Variants in CNTNAP2 observed in about 807,000 individuals in gnomAD.
CNTNAP2 encodes contactin-associated protein-like 2.
In CNTNAP2, 98 loss-of-function variants were observed where a neutral mutation model predicts 155.2. That is an observed-to-expected ratio of 0.63 (90% CI 0.54 to 0.75). The LOEUF (loss-of-function observed/expected upper bound fraction) is 0.75. Ranked by LOEUF, CNTNAP2 falls within the 30% of genes least tolerant of loss-of-function variation. The pLI is 0.00. For missense variants in CNTNAP2, 1,727 were observed against 1,688.1 expected (o/e 1.02, Z -0.40); for synonymous variants, 651 against 631.2 (o/e 1.03, Z -0.47).
At chr7:146,269,575 A>G (rs1028030140) in intron 1 of CNTNAP2, among the ~76,000 whole-genome samples, 1 of 152,230 alleles carries the variant, frequency 6.6e-6, no homozygotes, top group African/African-American at 2.4e-5. Flanking sequence ...TTTATGTTGC[A>G]TAACTTATAG....
chr7:148,290,931 T>C (rs1797178097), intron 21 of CNTNAP2, among the ~76,000 whole-genome samples: 1 of 152,226 alleles, frequency 6.6e-6, no homozygotes, highest in South Asian at 2.1e-4. Context: ...ATTATTTTTG[T>C]GGCTGCATGA....
At chr7:146,259,521 A>T (rs1230104211) in intron 1 of CNTNAP2, among the ~76,000 whole-genome samples, 1 of 152,172 alleles carries the variant, frequency 6.6e-6, no homozygotes, top group African/African-American at 2.4e-5. Flanking sequence ...TGAGAACTGG[A>T]GTAAAGGTCA....
chr7:147,236,244 T>C (rs1803800493), intron 8 of CNTNAP2, among the ~76,000 whole-genome samples: 1 of 152,208 alleles, frequency 6.6e-6, no homozygotes. Flanking sequence ...TGAGAAAGCC[T>C]CTTCACCTGC....
chr7:147,029,224 A>G (rs1798981638), intron 3 of CNTNAP2, among the ~76,000 whole-genome samples: 1 of 152,032 alleles, frequency 6.6e-6, no homozygotes, highest in Admixed American at 6.6e-5. Flanking sequence ...CGGCCTCCCA[A>G]AGTGCTGGAA....
intron 13 of CNTNAP2, among the ~76,000 whole-genome samples, chr7:147,729,964 C>T (rs1796711460): frequency 6.6e-6 from 1 of 151,884 alleles, no homozygotes; most frequent in Admixed American, 6.6e-5. Context: ...TTTAAGTAGT[C>T]AATGAATTAA....
chr7:148,228,846 A>AAAAC (rs1418580033), intron 19 of CNTNAP2, among the ~76,000 whole-genome samples: 1 of 151,032 alleles, frequency 6.6e-6, no homozygotes, highest in African/African-American at 2.4e-5. Flanking sequence ...AAAAAAAACT[A>AAAAC]TGTTTATTTT....
chr7:146,540,729 T>C (rs1797939660), intron 1 of CNTNAP2, among the ~76,000 whole-genome samples: 2 of 152,096 alleles, frequency 1.3e-5, no homozygotes, highest in African/African-American at 4.8e-5. Context: ...CGGCATGCAG[T>C]ACTGCTCTTT....
intron 1 of CNTNAP2, among the ~76,000 whole-genome samples, chr7:146,551,708 T>C (rs1348891852): frequency 6.6e-6 from 1 of 152,158 alleles, no homozygotes; most frequent in African/African-American, 2.4e-5. Flanking sequence ...TTCTGGTCTA[T>C]GTATGATTTA....
At chr7:146,631,909 G>A (rs1386965480) in intron 1 of CNTNAP2, among the ~76,000 whole-genome samples, 1 of 151,748 alleles carries the variant, frequency 6.6e-6, no homozygotes, top group South Asian at 2.1e-4. Flanking sequence ...ACTTTCTTCA[G>A]TGCCTGCTCA....
intron 1 of CNTNAP2, among the ~76,000 whole-genome samples, chr7:146,475,001 G>A (rs1013759089): frequency 1.0e-4 from 13 of 126,982 alleles, no homozygotes; most frequent in African/African-American, 3.7e-4. Flanking sequence ...GAGCGCGCAC[G>A]CGCGCGCGCG....
chr7:147,560,258 A>G (rs1239393856), intron 11 of CNTNAP2, among the ~76,000 whole-genome samples: 1 of 151,570 alleles, frequency 6.6e-6, no homozygotes, highest in Non-Finnish European at 1.5e-5. Context: ...TAATCTTTCA[A>G]CTGGCAGCCT....
chr7:148,304,032 C>T (rs1797443166), intron 21 of CNTNAP2, among the ~76,000 whole-genome samples: 2 of 152,202 alleles, frequency 1.3e-5, no homozygotes, highest in African/African-American at 4.8e-5. Flanking sequence ...TACAAATCTG[C>T]AACCTCCCTC....
At chr7:147,071,078 G>T (rs115161008) in intron 4 of CNTNAP2, among the ~76,000 whole-genome samples, 2 of 151,872 alleles carry the variant, frequency 1.3e-5, no homozygotes, top group Admixed American at 1.3e-4. Flanking sequence ...ACTTCTTCCA[G>T]CTGTTTCACC....
chr7:147,574,056 T>A (rs1800344137), intron 12 of CNTNAP2, among the ~76,000 whole-genome samples: 1 of 152,170 alleles, frequency 6.6e-6, no homozygotes, highest in African/African-American at 2.4e-5. Context: ...ACATTTCTTT[T>A]TATTTATCTG....
intron 9 of CNTNAP2, among the ~76,000 whole-genome samples, chr7:147,355,952 T>A (rs1209955478): frequency 1.3e-5 from 2 of 152,282 alleles, no homozygotes; most frequent in South Asian, 2.1e-4. Flanking sequence ...AGCATCATCC[T>A]GATACCAAAA....
chr7:147,357,306 G>A (rs950360390), intron 9 of CNTNAP2, among the ~76,000 whole-genome samples: 22 of 151,980 alleles, frequency 1.4e-4, no homozygotes, highest in East Asian at 7.8e-4. Flanking sequence ...AGACTGGGTC[G>A]TGATAAAGCT....
intron 1 of CNTNAP2, among the ~76,000 whole-genome samples, chr7:146,226,369 TATCC>T (rs1799293082): frequency 6.6e-6 from 1 of 152,124 alleles, no homozygotes; most frequent in Non-Finnish European, 1.5e-5. Flanking sequence ...TAAAAAAAAT[TATCC>T]TAGGGCTAGG....
At chr7:146,215,356 A>G (rs1251615292) in intron 1 of CNTNAP2, among the ~76,000 whole-genome samples, 1 of 152,196 alleles carries the variant, frequency 6.6e-6, no homozygotes, top group Non-Finnish European at 1.5e-5. Context: ...TAAGAAGGAT[A>G]TATTGAACTG....
At chr7:147,620,795 G>A (rs755788043) in intron 12 of CNTNAP2, among the ~76,000 whole-genome samples, 5 of 152,026 alleles carry the variant, frequency 3.3e-5, no homozygotes, top group Non-Finnish European at 7.4e-5. Context: ...CCATAAAGAG[G>A]AGGTAGAAAA....
Sources: allele counts gnomAD v4.1 joint callset (sites outside exome capture counted in the v4.1 genomes callset), GRCh38; gene constraint gnomAD v4.1.1; transcripts MANE v1.5; gene names NCBI Gene and HGNC (gene_info 2026-07-23, HGNC 2026-07-21).